Variants in GRK6 observed in about 807,000 individuals in gnomAD.
The protein encoded by GRK6 is G protein-coupled receptor kinase 6.
Under a neutral mutation model 80.8 loss-of-function variants are expected in GRK6, and 37 were observed. The ratio of observed to expected loss-of-function variants is 0.46; its 90% confidence interval spans 0.35 to 0.60. The LOEUF (loss-of-function observed/expected upper bound fraction) is 0.60. Ranked by LOEUF, GRK6 falls within the 20% of genes least tolerant of loss-of-function variation. The probability of loss-of-function intolerance (pLI) is 0.00; values close to 1 mark genes in which losing one functional copy is unlikely to be tolerated. For synonymous variants in GRK6, 295 were observed against 320.9 expected (o/e 0.92, Z 0.86); for missense variants, 560 against 784.6 (o/e 0.71, Z 3.42).
chr5:177,433,193 G>T lies in GRK6; in HGVS notation c.487G>T (p.Asp163Tyr). ...CGTGGCCCCTTTTGCCGACTACCTCGACAGCATCTACTTCAACCGTTTCCT... is the reference window on the plus strand; with the variant it reads ...CGTGGCCCCTTTTGCCGACTACCTCTACAGCATCTACTTCAACCGTTTCCT... ...LSVAPFADYL[D>Y]SIYFNRFLQW... is the part of the protein sequence containing the mutation. The change falls in exon 6 of 16, where the codon GAC (aspartate) becomes TAC (tyrosine). Residue 163 changes from aspartate (D) to tyrosine (Y), a missense_variant. Coordinates refer to ENST00000355472, the MANE Select transcript of GRK6 (RefSeq NM_001004106.3). 6.2e-7 allele frequency: 1 copy of T among 1,614,138 alleles called. No homozygotes were observed. The highest frequency in any genetic ancestry group is 1.1e-5 in the South Asian group (1 of 91,062).
intron 1 of GRK6, among the ~76,000 whole-genome samples, chr5:177,430,162 TCTC>T (rs1763826242): frequency 6.6e-6 from 1 of 152,202 alleles, no homozygotes; most frequent in South Asian, 2.1e-4. Context: ...CAGCTGGCGT[TCTC>T]CTGCAGCTGG....
In GRK6 at chr5:177,441,833, A is replaced by C; in HGVS notation, c.*43A>C. ...CCACCAGCAGTTGGCGGTAGCAGCT[A>C]CTCCGAGCGCCGTTTACAGTTTTGC... On this transcript the variant is annotated 3_prime_UTR_variant, in exon 16 of 16. Coordinates refer to ENST00000355472, the MANE Select transcript of GRK6 (RefSeq NM_001004106.3). 1 of 1,578,898 alleles carries C rather than the reference A, an allele frequency of 6.3e-7. No individual in the cohort carries two copies.
At chr5:177,433,124 C>T (rs781244756) in intron 5 of GRK6, 23 bp from the exon 6 acceptor site, 3 of 1,603,532 alleles carry the variant, frequency 1.9e-6, no homozygotes, top group South Asian at 2.2e-5. Context: ...GGCGGGTGAG[C>T]TGGGCCTGCC....
chr5:177,436,969 T>C (rs964780038), intron 13 of GRK6, among the ~76,000 whole-genome samples: 12 of 152,088 alleles, frequency 7.9e-5, no homozygotes, highest in African/African-American at 2.9e-4. Flanking sequence ...TTCTTTTCTT[T>C]TTGGAGACAG....
At chr5:177,440,526 G>A (rs575597630) in intron 13 of GRK6, among the ~76,000 whole-genome samples, 174 bp from the exon 14 acceptor site, 3 of 152,270 alleles carry the variant, frequency 2.0e-5, no homozygotes, top group African/African-American at 7.2e-5. Context: ...ACCAGGCTTC[G>A]GAGAGAAGGG....
At chr5:177,440,462 G>A (rs954132703) in intron 13 of GRK6, among the ~76,000 whole-genome samples, 1 of 152,266 alleles carries the variant, frequency 6.6e-6, no homozygotes, top group Non-Finnish European at 1.5e-5. Flanking sequence ...CCTTTACACA[G>A]CCTCACAGTC....
In GRK6 at chr5:177,432,062, C is replaced by T. The variant is rs1763922508; in HGVS notation, c.216C>T (p.Ala72=). Reference sequence around the variant, plus strand: ...GCCTGCTGTTCCGAGAGTTCTGTGCCACGAGGCCGGAGCTGAGCCGCTGCG... The same window carrying T: ...GCCTGCTGTTCCGAGAGTTCTGTGCTACGAGGCCGGAGCTGAGCCGCTGCG... ...IGRLLFREFC[A]TRPELSRCVA... The change falls in exon 3 of 16, where the codon GCC becomes GCT. Residue 72 remains alanine (A), a synonymous_variant. Transcript: ENST00000355472. 1.9e-6 allele frequency: 3 copies of T among 1,612,898 alleles called. No individual in the cohort carries two copies. Among genetic ancestry groups the T allele is most frequent in the African/African-American group, 1.3e-5 (1 of 74,942 alleles).
At chr5:177,431,444 G>GACCC (rs2127371832) in intron 2 of GRK6, among the ~76,000 whole-genome samples, 1 of 152,358 alleles carries the variant, frequency 6.6e-6, no homozygotes, top group South Asian at 2.1e-4. Context: ...AAGGGCCCAG[G>GACCC]ACCCCAGTTC....
chr5:177,432,177 C>G (rs1763930689), intron 3 of GRK6, 56 bp from the exon 4 acceptor site: 2 of 1,611,326 alleles, frequency 1.2e-6, no homozygotes, highest in Non-Finnish European at 1.7e-6. Flanking sequence ...CCCTCCTCCC[C>G]ACACCTGCTG....
chr5:177,436,565 C>T (rs1237771027), intron 13 of GRK6, 35 bp downstream of exon 13: 2 of 1,527,970 alleles, frequency 1.3e-6, no homozygotes, highest in Non-Finnish European at 1.8e-6. Flanking sequence ...GGGCGGGGCC[C>T]AGCCAGGGCT....
At chr5:177,436,582 CAG>C (rs769692772) in intron 13 of GRK6, 52 bp downstream of exon 13, 2 of 1,502,870 alleles carry the variant, frequency 1.3e-6, no homozygotes, top group South Asian at 2.6e-5. Flanking sequence ...GGCTGGGGCT[CAG>C]GGGCTCTTGT....
At position 177,433,875 on chromosome 5, in the gene GRK6, G is replaced by A. The variant is rs375632017; in HGVS notation, c.739-39G>A. The A allele has an allele frequency of 3.5e-5, 54 of 1,525,018 alleles. 1 individual carries two copies. The highest frequency in any genetic ancestry group is 2.8e-4 in the African/African-American group (20 of 72,378). 94.5% of individuals were successfully genotyped at this position (1,525,018 alleles called of 1,614,324 possible). On this transcript the variant is annotated intron_variant, in intron 8 of 15. Coordinates refer to ENST00000355472, the MANE Select transcript of GRK6 (RefSeq NM_001004106.3). Reference sequence around the variant, plus strand: ...GGGCAGCCCTGCCGCCAAGCGCCCCGCAGCTCCTGCCTGAGGGCTCGGGTC... The same window carrying A: ...GGGCAGCCCTGCCGCCAAGCGCCCCACAGCTCCTGCCTGAGGGCTCGGGTC...
chr5:177,431,939 G>T (rs766972156), intron 2 of GRK6, 56 bp from the exon 3 acceptor site: 3 of 1,491,854 alleles, frequency 2.0e-6, no homozygotes, highest in Admixed American at 3.3e-5. Flanking sequence ...GTGGGCACAT[G>T]CCCCACCCAT....
rs1424924100 is a variant in GRK6, at chr5:177,428,906, C to G, written c.53-1966C>G. Among the ~76,000 whole-genome samples, 1 of 152,128 alleles carries G rather than the reference C, an allele frequency of 6.6e-6. No individual in the cohort carries two copies. Among genetic ancestry groups the G allele is most frequent in the Non-Finnish European group, 1.5e-5 (1 of 68,032 alleles). On this transcript the variant is annotated intron_variant, in intron 1 of 15. Transcript: ENST00000355472. This position sits in a 1 kb window ranked among gnomAD's most constrained non-coding sequence, Gnocchi z 4.1. ...TTTTCATGAGCTTGAGGCTGGGGCC[C>G]CTGACGGCTTCTCAAGTGATCTGAG...
chr5:177,434,084 CCGGGAGCGCAT>C lies in GRK6; in HGVS notation c.912_922del (p.Glu305ValfsTer13). The C allele has an allele frequency of 1.3e-6, 2 of 1,594,014 alleles. No homozygotes were observed. Among genetic ancestry groups the C allele is most frequent in the Non-Finnish European group, 1.7e-6 (2 of 1,170,986 alleles). On this transcript the variant is annotated frameshift_variant, in exon 9 of 16. Transcript: ENST00000355472. LOFTEE classifies it high-confidence loss of function. ...TCTGCTGTGGCCTGGAGGACCTGCA[CCGGGAGCGCAT>C]CGTGTACAGGTGGGGAGGGCTCGGC...
chr5:177,440,567 C>T (rs940554245), intron 13 of GRK6, 133 bp from the exon 14 acceptor site: 5 of 1,086,688 alleles, frequency 4.6e-6, no homozygotes, highest in Non-Finnish European at 5.3e-6. Flanking sequence ...CGTGGGGCAC[C>T]TGGTTTCTCC....
chr5:177,426,284 C>A (rs1293888343), upstream of GRK6, among the ~76,000 whole-genome samples: 1 of 152,252 alleles, frequency 6.6e-6, no homozygotes, highest in Admixed American at 6.5e-5. Context: ...CACCTTCAGG[C>A]GACGACCCAA....
intron 15 of GRK6, chr5:177,441,289 C>A: frequency 6.4e-7 from 1 of 1,555,528 alleles, no homozygotes; most frequent in East Asian, 2.4e-5. Context: ...TGCTGCCTGG[C>A]CTCGGGGAGC....
At chr5:177,441,616 G>A in intron 15 of GRK6, 121 bp from the exon 16 acceptor site, 1 of 852,498 alleles carries the variant, frequency 1.2e-6, no homozygotes, top group Non-Finnish European at 2.0e-6. Context: ...CCTCCCCAGA[G>A]TGCACCCCTC....
Sources: allele counts gnomAD v4.1 joint callset (sites outside exome capture counted in the v4.1 genomes callset), GRCh38; gene constraint gnomAD v4.1.1; non-coding constraint Gnocchi (gnomAD v3.1); transcripts MANE v1.5; gene names NCBI Gene and HGNC (gene_info 2026-07-23, HGNC 2026-07-21).